Variants in TLL1 observed in about 807,000 individuals in gnomAD.
TLL1 encodes tolloid-like protein 1.
TLL1 carries 49 observed loss-of-function variants against 128.2 expected under a neutral mutation model. The ratio of observed to expected loss-of-function variants is 0.38; its 90% confidence interval spans 0.30 to 0.48. The LOEUF (loss-of-function observed/expected upper bound fraction) is 0.48, where lower values mean the gene tolerates loss of function less well. Among genes scored for constraint, TLL1 ranks in the 20% least tolerant of loss-of-function variants. The pLI is 0.96. For missense variants in TLL1, 1,123 were observed against 1,242.0 expected (o/e 0.90, Z 1.44); for synonymous variants, 454 against 418.8 (o/e 1.08, Z -1.03).
At chr4:166,040,441 A>G (rs933591542) in intron 10 of TLL1, among the ~76,000 whole-genome samples, 9 of 152,214 alleles carry the variant, frequency 5.9e-5, no homozygotes. Flanking sequence ...TTAAACTCAT[A>G]TTAGAGAAAC....
intron 1 of TLL1, among the ~76,000 whole-genome samples, chr4:165,912,279 ACT>A (rs1313582837): frequency 6.6e-6 from 1 of 152,140 alleles, no homozygotes; most frequent in African/African-American, 2.4e-5. Context: ...GTCTTAACAC[ACT>A]GTGTTATTCA....
chr4:165,998,091 C>T (rs1471661567), intron 5 of TLL1, among the ~76,000 whole-genome samples: 3 of 152,054 alleles, frequency 2.0e-5, no homozygotes, highest in Non-Finnish European at 4.4e-5. Context: ...CTTCTTATTT[C>T]TTCTTTTCCT....
intron 1 of TLL1, among the ~76,000 whole-genome samples, chr4:165,964,670 C>G (rs927062949): frequency 6.6e-6 from 1 of 152,146 alleles, no homozygotes; most frequent in East Asian, 1.9e-4. Context: ...TACCTATAAT[C>G]CCAGCATGTT....
intron 1 of TLL1, among the ~76,000 whole-genome samples, chr4:165,893,505 G>A (rs1163152931): frequency 6.6e-6 from 1 of 152,182 alleles, no homozygotes; most frequent in Admixed American, 6.6e-5. Context: ...AGGGTGAAGT[G>A]TCAGAGTGGA....
intron 19 of TLL1, among the ~76,000 whole-genome samples, chr4:166,092,959 C>T (rs779454717): frequency 2.0e-5 from 3 of 152,136 alleles, no homozygotes; most frequent in Non-Finnish European, 4.4e-5. Context: ...AACTCCATAA[C>T]TCCCTAATTT....
chr4:165,892,214 T>C (rs1731454620), intron 1 of TLL1, among the ~76,000 whole-genome samples: 1 of 152,180 alleles, frequency 6.6e-6, no homozygotes, highest in African/African-American at 2.4e-5. Context: ...GTCCCTGCAA[T>C]GACACATGGG....
At chr4:165,916,744 A>T (rs567566741) in intron 1 of TLL1, among the ~76,000 whole-genome samples, 1 of 152,310 alleles carries the variant, frequency 6.6e-6, no homozygotes, top group South Asian at 2.1e-4. Flanking sequence ...TGATCAAATC[A>T]TTGGCAGAAT....
chr4:165,924,150 C>T (rs1389297595), intron 1 of TLL1, among the ~76,000 whole-genome samples: 1 of 152,116 alleles, frequency 6.6e-6, no homozygotes, highest in African/African-American at 2.4e-5. Context: ...CTACAGTGGC[C>T]TCTATATTTT....
At chr4:165,924,301 G>A (rs897459899) in intron 1 of TLL1, among the ~76,000 whole-genome samples, 1 of 152,178 alleles carries the variant, frequency 6.6e-6, no homozygotes, top group Non-Finnish European at 1.5e-5. Flanking sequence ...AGTTTTGAAT[G>A]CAAAGGAAAA....
intron 14 of TLL1, among the ~76,000 whole-genome samples, chr4:166,059,279 C>G (rs1268763875): frequency 1.3e-5 from 2 of 151,962 alleles, no homozygotes; most frequent in Admixed American, 6.6e-5. Context: ...ACTCTTGACT[C>G]CTTAGGAATT....
At chr4:165,934,156 G>A (rs938796084) in intron 1 of TLL1, among the ~76,000 whole-genome samples, 3 of 147,472 alleles carry the variant, frequency 2.0e-5, no homozygotes, top group East Asian at 2.0e-4. Context: ...CTGCCACCAC[G>A]CCCAGCTAAT....
chr4:166,008,127 A>G (rs1344699435), intron 7 of TLL1, 79 bp downstream of exon 7: 2 of 981,978 alleles, frequency 2.0e-6, no homozygotes, highest in African/African-American at 3.2e-5. Context: ...GCCTGACATT[A>G]GAACTAGAAT....
intron 1 of TLL1, among the ~76,000 whole-genome samples, chr4:165,957,715 TTAA>T (rs1734876417): frequency 6.6e-6 from 1 of 150,898 alleles, no homozygotes; most frequent in African/African-American, 2.5e-5. Context: ...TTTTTTTTTT[TTAA>T]ATTATTATTA....
intron 18 of TLL1, 122 bp downstream of exon 18, chr4:166,078,152 T>G: frequency 6.8e-7 from 1 of 1,470,234 alleles, no homozygotes; most frequent in Non-Finnish European, 9.3e-7. Context: ...TGGAAAAGAT[T>G]TTTTGTCTCA....
At chr4:165,897,650 C>A (rs1474335578) in intron 1 of TLL1, among the ~76,000 whole-genome samples, 1 of 130,046 alleles carries the variant, frequency 7.7e-6, no homozygotes, top group Non-Finnish European at 1.6e-5. Flanking sequence ...AGTTTGAAGT[C>A]AGGTAGTCCA....
chr4:166,014,676 G>T (rs956737002), intron 8 of TLL1, 116 bp downstream of exon 8: 2 of 1,489,406 alleles, frequency 1.3e-6, no homozygotes, highest in Non-Finnish European at 9.2e-7. Flanking sequence ...CAAGTGACGT[G>T]TACAGTTCAA....
intron 9 of TLL1, among the ~76,000 whole-genome samples, chr4:166,025,740 A>AAT (rs1431126571): frequency 2.0e-5 from 3 of 152,166 alleles, no homozygotes; most frequent in Non-Finnish European, 2.9e-5. Flanking sequence ...AAGATTTAAA[A>AAT]ATATATATCT....
chr4:165,950,231 T>C (rs28869197), intron 1 of TLL1, among the ~76,000 whole-genome samples: 6,949 of 152,152 alleles, frequency 0.046, 515 homozygotes, highest in African/African-American at 0.16. Context: ...TTTATATAGG[T>C]TTTTTTGTTT....
intron 16 of TLL1, among the ~76,000 whole-genome samples, chr4:166,067,203 G>T (rs539996053): frequency 9.5e-4 from 144 of 151,686 alleles, no homozygotes; most frequent in Non-Finnish European, 1.7e-3. Flanking sequence ...TAAAAAGAAA[G>T]TGTTCAGGAT....
Sources: allele counts gnomAD v4.1 joint callset (sites outside exome capture counted in the v4.1 genomes callset), GRCh38; gene constraint gnomAD v4.1.1; transcripts MANE v1.5; gene names NCBI Gene and HGNC (gene_info 2026-07-23, HGNC 2026-07-21).